Variants in CACNA1D observed in about 807,000 individuals in gnomAD.
CACNA1D encodes calcium voltage-gated channel subunit alpha1 D, also known as voltage-dependent L-type calcium channel subunit alpha-1D.
A neutral mutation model predicts 257.1 loss-of-function variants in CACNA1D; 55 were observed. That is an observed-to-expected ratio of 0.21 (90% CI 0.17 to 0.27). CACNA1D has a LOEUF of 0.27. Ranked by LOEUF, CACNA1D falls within the 10% of genes least tolerant of loss-of-function variation. The pLI, the probability that CACNA1D is intolerant of heterozygous loss-of-function variation, is 1.00. For synonymous variants in CACNA1D, 980 were observed against 1,014.9 expected (o/e 0.97, Z 0.65); for missense variants, 1,876 against 2,784.0 (o/e 0.67, Z 7.34).
At chr3:53,564,297 A>G (rs538127037) in intron 3 of CACNA1D, among the ~76,000 whole-genome samples, 1 of 152,118 alleles carries the variant, frequency 6.6e-6, no homozygotes, top group Admixed American at 6.5e-5. Context: ...AGTAGCTGGG[A>G]TTACAGGTAG....
At chr3:53,685,869 C>G (rs1460765354) in intron 8 of CACNA1D, among the ~76,000 whole-genome samples, 2 of 151,644 alleles carry the variant, frequency 1.3e-5, no homozygotes, top group African/African-American at 2.4e-5. Flanking sequence ...ATCTACTAAT[C>G]TAGAAAAAGA....
At chr3:53,556,159 T>C (rs564537658) in intron 3 of CACNA1D, among the ~76,000 whole-genome samples, 40 of 152,352 alleles carry the variant, frequency 2.6e-4, no homozygotes, top group African/African-American at 9.4e-4. Context: ...TTTATGGATA[T>C]AGTACAGTTT....
chr3:53,759,443 C>T lies in CACNA1D; in HGVS notation c.3787-2555C>T, dbSNP rs144680358. On this transcript the variant is annotated intron_variant, in intron 29 of 47. Transcript: ENST00000350061. ...TGACATAAATAATGGAGAGAAGCGG[C>T]GCACACGGTACAAATGCAGGCGGGG... Among the ~76,000 whole-genome samples, 509 of 152,324 alleles carry T rather than the reference C, an allele frequency of 3.3e-3. 4 individuals carry two copies. The highest frequency in any genetic ancestry group is 0.011 in the African/African-American group (466 of 41,582).
chr3:53,607,204 G>A (rs2093522198), intron 3 of CACNA1D, among the ~76,000 whole-genome samples: 1 of 152,148 alleles, frequency 6.6e-6, no homozygotes, highest in South Asian at 2.1e-4. Flanking sequence ...CAGTTGCTGG[G>A]CCATATTGTA....
At chr3:53,631,617 C>T (rs546067596) in intron 3 of CACNA1D, among the ~76,000 whole-genome samples, 7 of 152,306 alleles carry the variant, frequency 4.6e-5, no homozygotes, top group Non-Finnish European at 8.8e-5. Flanking sequence ...GTGAATTCCT[C>T]CCAGAGGTTT....
rs150768938 is a variant in CACNA1D, at chr3:53,775,729, G to A, written c.4203-157G>A. Among the ~76,000 whole-genome samples the A allele has an allele frequency of 6.4e-3, 975 of 152,320 alleles. 6 individuals carry two copies. The highest frequency in any genetic ancestry group is 0.02 in the Middle Eastern group (6 of 294). On this transcript the variant is annotated intron_variant, in intron 34 of 47. Transcript: ENST00000350061. ...CCAGTTACTGTGATAAGTTGCACGT[G>A]AAAATCAGTAGGAATTTCACATTTC...
chr3:53,762,094 C>G lies in CACNA1D; in HGVS notation c.3870+13C>G, dbSNP rs148858045. 1,547 of 1,571,760 alleles carry G rather than the reference C, an allele frequency of 9.8e-4. 16 individuals are homozygous for G. In the African/African-American group the frequency reaches 0.018, roughly 19 times the overall value. ...CAGCGAAGCAGACGTGAGTATGCAC[C>G]TGGCGTGGCCGCCACCTGTGTCCTC... On this transcript the variant is annotated intron_variant, in intron 30 of 47. Coordinates refer to ENST00000350061, the MANE Select transcript of CACNA1D (RefSeq NM_001128840.3).
intron 3 of CACNA1D, 121 bp from the exon 4 acceptor site, chr3:53,650,657 CT>C: frequency 9.6e-7 from 1 of 1,043,518 alleles, no homozygotes; most frequent in South Asian, 1.3e-5. Flanking sequence ...CATAATGAAA[CT>C]TTGTTTGGAG....
chr3:53,501,763 T>G lies in CACNA1D; in HGVS notation c.483+43T>G, dbSNP rs778387696. On this transcript the variant is annotated intron_variant, in intron 3 of 47. Transcript: ENST00000350061. Reference sequence around the variant, plus strand: ...TCCTGCTGGTCCTGGTATATGGTTATCATTTGCTTCTATACTTAAACTGGC... The same window carrying G: ...TCCTGCTGGTCCTGGTATATGGTTAGCATTTGCTTCTATACTTAAACTGGC... The G allele has an allele frequency of 2.7e-6, 3 of 1,097,344 alleles. No homozygotes were observed. In the East Asian group the frequency reaches 7.0e-5, roughly 26 times the overall value. The allele number at this position is 1,097,344 out of a possible 1,614,324, so 68.0% of individuals were successfully genotyped here.
At chr3:53,515,060 A>G (rs2091278340) in intron 3 of CACNA1D, among the ~76,000 whole-genome samples, 1 of 152,178 alleles carries the variant, frequency 6.6e-6, no homozygotes. Flanking sequence ...TTGGAACACC[A>G]AGGACAGAGA....
chr3:53,773,269 A>G, intron 33 of CACNA1D: 1 of 261,458 alleles, frequency 3.8e-6, no homozygotes, highest in South Asian at 4.8e-5. Flanking sequence ...CGGGAACAGA[A>G]GGCTGGTGCT....
At chr3:53,740,527 A>G (rs558535635) in intron 21 of CACNA1D, 188 bp downstream of exon 21, 12 of 615,370 alleles carry the variant, frequency 2.0e-5, no homozygotes, top group Non-Finnish European at 3.3e-5. Context: ...TGCGTGTGAC[A>G]CACAGGAAAG....
At chr3:53,783,106 T>C (rs960782032) in intron 39 of CACNA1D, 5 of 152,208 alleles carry the variant, frequency 3.3e-5, no homozygotes, top group African/African-American at 9.6e-5. Flanking sequence ...TGCTTCAGAA[T>C]AGTGGGCTAT....
At chr3:53,799,989 C>A in intron 40 of CACNA1D, 1 of 530,278 alleles carries the variant, frequency 1.9e-6, no homozygotes, top group Non-Finnish European at 3.4e-6. Context: ...GGCAGTGTTC[C>A]TTGGAAGTGG....
chr3:53,752,119 A>T (rs956658434), intron 28 of CACNA1D, among the ~76,000 whole-genome samples: 1 of 152,164 alleles, frequency 6.6e-6, no homozygotes. Flanking sequence ...TCCGTACAGC[A>T]TGATGGTAGG....
At chr3:53,670,627 G>C (rs1436023007) in intron 7 of CACNA1D, among the ~76,000 whole-genome samples, 1 of 152,208 alleles carries the variant, frequency 6.6e-6, no homozygotes, top group Non-Finnish European at 1.5e-5. Context: ...TTGCAGGCGT[G>C]AGCTGCTGCA....
At chr3:53,661,333 A>AG (rs1000160766) in intron 5 of CACNA1D, among the ~76,000 whole-genome samples, 2 of 64,264 alleles carry the variant, frequency 3.1e-5, no homozygotes, top group Admixed American at 1.9e-4. Flanking sequence ...AATCCTCTGG[A>AG]AAAAAAAATT....
intron 3 of CACNA1D, among the ~76,000 whole-genome samples, chr3:53,553,426 A>G (rs1005340997): frequency 4.6e-5 from 7 of 152,152 alleles, no homozygotes; most frequent in Non-Finnish European, 1.0e-4. Context: ...TCAAGCACAA[A>G]TCCCTACCAT....
At chr3:53,749,146 G>T in intron 26 of CACNA1D, 122 bp from the exon 27 acceptor site, 1 of 738,226 alleles carries the variant, frequency 1.4e-6, no homozygotes. Flanking sequence ...GCAGCCTTGG[G>T]GTGGGTTCCC....
Sources: allele counts gnomAD v4.1 joint callset (sites outside exome capture counted in the v4.1 genomes callset), GRCh38; gene constraint gnomAD v4.1.1; transcripts MANE v1.5; gene names NCBI Gene and HGNC (gene_info 2026-07-23, HGNC 2026-07-21).